Variants in BAHCC1 observed in about 807,000 individuals in gnomAD.
BAHCC1 encodes the protein BAH domain and coiled-coil containing 1, also known as BAH and coiled-coil domain-containing protein 1.
Under a neutral mutation model 88.2 loss-of-function variants are expected in BAHCC1, and 43 were observed. The observed-to-expected ratio is 0.49, with a 90% CI of 0.38 to 0.63. BAHCC1 has a LOEUF of 0.63. Among genes scored for constraint, BAHCC1 ranks in the 20% least tolerant of loss-of-function variants. The probability of loss-of-function intolerance (pLI) is 0.00; values close to 1 mark genes in which losing one functional copy is unlikely to be tolerated. For synonymous variants in BAHCC1, 1,510 were observed against 745.5 expected (o/e 2.03, Z -16.71); for missense variants, 3,023 against 1,654.8 (o/e 1.83, Z -14.34).
chr17:81,426,747 C>G, intron 2 of BAHCC1, 53 bp from the exon 3 acceptor site: 5 of 398,444 alleles, frequency 1.3e-5, no homozygotes, highest in Non-Finnish European at 2.2e-5. Context: ...TGCCCTGCCT[C>G]AGGCCACACC....
At chr17:81,422,125 C>T (rs2064123619) in intron 2 of BAHCC1, among the ~76,000 whole-genome samples, 1 of 152,158 alleles carries the variant, frequency 6.6e-6, no homozygotes, top group Non-Finnish European at 1.5e-5. Context: ...AATTCTCCCG[C>T]CTCAGCCTCC....
chr17:81,451,522 G>C, intron 11 of BAHCC1, 146 bp from the exon 12 acceptor site: 1 of 603,558 alleles, frequency 1.7e-6, no homozygotes, highest in African/African-American at 1.8e-5. Flanking sequence ...GTCAGCCCTG[G>C]TGCCCACCTC....
At chr17:81,456,247 T>C in intron 15 of BAHCC1, 50 bp from the exon 16 acceptor site, 1 of 687,700 alleles carries the variant, frequency 1.5e-6, no homozygotes, top group Non-Finnish European at 2.7e-6. Flanking sequence ...CCAGGGGCTG[T>C]GGTTTGCAGA....
At chr17:81,397,658 C>T (rs1555645136) in intron 1 of BAHCC1, among the ~76,000 whole-genome samples, 3 of 152,128 alleles carry the variant, frequency 2.0e-5, no homozygotes, top group African/African-American at 7.2e-5. Flanking sequence ...CTCCCCTGAC[C>T]CCTGCGCTCG....
At chr17:81,456,637 C>T (rs545455513) in intron 16 of BAHCC1, 52 bp downstream of exon 16, 13 of 664,410 alleles carry the variant, frequency 2.0e-5, no homozygotes, top group South Asian at 1.1e-4. Context: ...CATGGTCGCT[C>T]GGGGGCTGGA....
chr17:81,400,336 G>A (rs1555645847), intron 2 of BAHCC1, among the ~76,000 whole-genome samples: 1 of 152,200 alleles, frequency 6.6e-6, no homozygotes, highest in African/African-American at 2.4e-5. Flanking sequence ...GGGGGGAGGG[G>A]ACCAGGGTAC....
intron 10 of BAHCC1, chr17:81,446,808 C>T (rs938779325): frequency 1.5e-6 from 1 of 679,200 alleles, no homozygotes; most frequent in East Asian, 2.8e-5. Flanking sequence ...CCACCTCAGC[C>T]TCCCAAAGTT....
Position 81,435,398 on chromosome 17 carries a change from C to T in BAHCC1, c.359-2972C>T, listed in dbSNP as rs560976418. 12 of 464,676 alleles carry T rather than the reference C, an allele frequency of 2.6e-5. No homozygotes were observed. The East Asian group carries it at 5.6e-4, about 22-fold the overall frequency. The allele number at this position is 464,676 out of a possible 1,614,324, so 28.8% of individuals were successfully genotyped here. On this transcript the variant is annotated intron_variant, in intron 3 of 27. Coordinates refer to ENST00000675386, the MANE Select transcript of BAHCC1 (RefSeq NM_001377448.1). The surrounding 1 kb of genome is among the most constrained non-coding windows in gnomAD (Gnocchi z 4.4). Reference sequence around the variant, plus strand: ...GGGGCAGGATGTGGGGACCTCGGTGCGACCCCCACTGCCCCCAGGGCTCTT... The same window carrying T: ...GGGGCAGGATGTGGGGACCTCGGTGTGACCCCCACTGCCCCCAGGGCTCTT...
chr17:81,425,487 T>G (rs1279742872), intron 2 of BAHCC1, among the ~76,000 whole-genome samples: 4 of 25,270 alleles, frequency 1.6e-4, no homozygotes, highest in Non-Finnish European at 2.8e-4. Context: ...TGTGATGTGG[T>G]TGGTGGGTGA....
chr17:81,436,444 C>T (rs982301739), intron 3 of BAHCC1, among the ~76,000 whole-genome samples: 7 of 152,230 alleles, frequency 4.6e-5, no homozygotes, highest in South Asian at 2.1e-4. Context: ...GCCTGGGAAA[C>T]GGTGTCTGGG....
chr17:81,434,862 C>T lies in BAHCC1; in HGVS notation c.359-3508C>T, dbSNP rs1361683790. On this transcript the variant is annotated intron_variant, in intron 3 of 27. Transcript: ENST00000675386. The surrounding 1 kb of genome is among the most constrained non-coding windows in gnomAD (Gnocchi z 4.9). Reference sequence around the variant, plus strand: ...GTTGGGAAAATGTGCTGTGTCAGAACGCAGGAGGGATGAGGGGGATGAGGT... The same window carrying T: ...GTTGGGAAAATGTGCTGTGTCAGAATGCAGGAGGGATGAGGGGGATGAGGT... 6.6e-6 allele frequency among the ~76,000 whole-genome samples: 1 copy of T among 152,018 alleles called. No homozygotes were observed. Among genetic ancestry groups the T allele is most frequent in the Non-Finnish European group, 1.5e-5 (1 of 67,976 alleles).
chr17:81,450,388 G>A (rs1224076974), intron 11 of BAHCC1, among the ~76,000 whole-genome samples: 1 of 152,160 alleles, frequency 6.6e-6, no homozygotes, highest in African/African-American at 2.4e-5. Context: ...CTGCATGGAC[G>A]CCAGCCTCTG....
chr17:81,400,957 A>G (rs552551458), intron 2 of BAHCC1: 4 of 152,714 alleles, frequency 2.6e-5, no homozygotes, highest in African/African-American at 9.6e-5. Context: ...ACCCTGGTAC[A>G]TGGGTGGCTT....
In BAHCC1 at chr17:81,458,886, G is replaced by A; in HGVS notation, c.5522G>A (p.Ser1841Asn). 1.3e-6 allele frequency: 1 copy of A among 774,788 alleles called. No individual in the cohort carries two copies. 48.0% of individuals were successfully genotyped at this position (774,788 alleles called of 1,614,324 possible). A position where few individuals can be genotyped will look rare whatever the true frequency, so the allele number is the denominator to read the frequency against. ...VEEDFEFDDN[S>N]SFSEEEEDEE... ...GAAGACTTTGAGTTCGACGACAACAGCAGCTTCTCGGAAGAGGAGGAGGAC... is the reference window on the plus strand; with the variant it reads ...GAAGACTTTGAGTTCGACGACAACAACAGCTTCTCGGAAGAGGAGGAGGAC... Residue 1841 changes from serine (S) to asparagine (N), a missense_variant, in exon 20 of 28, where the codon AGC becomes AAC. Physicochemically the swap from Ser to Asn is conservative, Grantham distance 46. Coordinates refer to ENST00000675386, the MANE Select transcript of BAHCC1 (RefSeq NM_001377448.1).
At chr17:81,445,763 G>C (rs955610682) in intron 10 of BAHCC1, 82 bp downstream of exon 10, 39 of 663,178 alleles carry the variant, frequency 5.9e-5, no homozygotes, top group African/African-American at 1.6e-4. Context: ...CGCTGAATCC[G>C]GGCTGCCTGC....
At chr17:81,423,197 A>ACAGAC (rs1282237946) in intron 2 of BAHCC1, among the ~76,000 whole-genome samples, 5 of 149,770 alleles carry the variant, frequency 3.3e-5, no homozygotes, top group African/African-American at 1.2e-4. Context: ...ACCAGCACTC[A>ACAGAC]CAGACCCCTC....
chr17:81,442,906 C>T lies in BAHCC1; in HGVS notation c.1557C>T (p.Ala519=), dbSNP rs782356113. 7 of 779,092 alleles carry T rather than the reference C, an allele frequency of 9.0e-6. No homozygotes were observed. The highest frequency in any genetic ancestry group is 1.7e-5 in the Non-Finnish European group (7 of 417,852). 48.3% of individuals were successfully genotyped at this position (779,092 alleles called of 1,614,324 possible). ...CGCTGGGCGGGAAGGCCCCCCAGGC[C>T]TGCTGCACTTTAGATAAGACTGTTG... ...QDPLGGKAPQ[A]CCTLDKTVGK... The change falls in exon 5 of 28, where the codon GCC becomes GCT. Residue 519 remains alanine, a synonymous_variant. Transcript: ENST00000675386.
At chr17:81,419,573 G>C (rs2064088180) in intron 2 of BAHCC1, among the ~76,000 whole-genome samples, 1 of 152,192 alleles carries the variant, frequency 6.6e-6, no homozygotes, top group South Asian at 2.1e-4. Context: ...GAGCGGGGAA[G>C]GTGTGGAGCG....
intron 13 of BAHCC1, 21 bp downstream of exon 13, chr17:81,452,128 G>A (rs1568028665): frequency 1.7e-6 from 1 of 583,614 alleles, no homozygotes; most frequent in African/African-American, 2.0e-5. Flanking sequence ...CGTGGCGGGG[G>A]GGCCTGGGAG....
Sources: allele counts gnomAD v4.1 joint callset (sites outside exome capture counted in the v4.1 genomes callset), GRCh38; gene constraint gnomAD v4.1.1; non-coding constraint Gnocchi (gnomAD v3.1); transcripts MANE v1.5; gene names NCBI Gene and HGNC (gene_info 2026-07-23, HGNC 2026-07-21).